Variants in SCML4 observed in about 807,000 individuals in gnomAD.
The protein encoded by SCML4 is sex comb on midleg-like protein 4.
A neutral mutation model predicts 41.1 loss-of-function variants in SCML4; 34 were observed. The observed-to-expected ratio is 0.83, with a 90% CI of 0.63 to 1.10. The LOEUF (loss-of-function observed/expected upper bound fraction) is 1.10. SCML4 is among the 50% of genes least tolerant of loss of function. The pLI is 0.00. For missense variants in SCML4, 522 were observed against 534.1 expected (o/e 0.98, Z 0.22); for synonymous variants, 214 against 220.9 (o/e 0.97, Z 0.28).
chr6:107,707,255 T>C (rs1233590744), intron 7 of SCML4, among the ~76,000 whole-genome samples: 4 of 152,092 alleles, frequency 2.6e-5, no homozygotes, highest in African/African-American at 4.8e-5. Flanking sequence ...TGAGCCGAGA[T>C]TGAGATCGCA....
intron 1 of SCML4, among the ~76,000 whole-genome samples, chr6:107,801,485 G>C (rs766793506): frequency 5.9e-5 from 9 of 152,038 alleles, no homozygotes; most frequent in Non-Finnish European, 1.2e-4. Context: ...CCTACAATGA[G>C]CTCATTTCTC....
At chr6:107,801,824 G>A (rs975309167) in intron 1 of SCML4, among the ~76,000 whole-genome samples, 16 of 151,478 alleles carry the variant, frequency 1.1e-4, no homozygotes, top group South Asian at 1.0e-3. Flanking sequence ...TGTCACCCAC[G>A]CTGGATCTCG....
At chr6:107,828,902 C>T (rs1030562970), upstream of SCML4, among the ~76,000 whole-genome samples, 12 of 152,198 alleles carry the variant, frequency 7.9e-5, no homozygotes, top group African/African-American at 2.4e-4. Context: ...AAGACAAAAC[C>T]GTTCTGTGTA....
At chr6:107,741,337 G>T (rs9386662) in intron 5 of SCML4, among the ~76,000 whole-genome samples, 36,465 of 152,038 alleles carry the variant, frequency 0.24, 4,891 homozygotes, top group African/African-American at 0.36. Flanking sequence ...GCAGAAAAAT[G>T]TCTCCCAATT....
At chr6:107,793,124 T>G (rs942397499) in intron 1 of SCML4, among the ~76,000 whole-genome samples, 1 of 152,126 alleles carries the variant, frequency 6.6e-6, no homozygotes, top group Non-Finnish European at 1.5e-5. Context: ...CACAATGTGG[T>G]CGGCAGCCCC....
chr6:107,816,226 T>A (rs1358150418), intron 1 of SCML4, among the ~76,000 whole-genome samples: 3 of 152,124 alleles, frequency 2.0e-5, no homozygotes, highest in Admixed American at 6.5e-5. Flanking sequence ...TCAAACACGA[T>A]AAGTAAGATA....
At chr6:107,844,632 G>A in the SCML4 span, among the ~76,000 whole-genome samples, 3 of 151,742 alleles carry the variant, frequency 2.0e-5, no homozygotes, top group African/African-American at 4.8e-5. Context: ...CCAAGAGTTC[G>A]AGGTCACAGT....
At chr6:107,757,469 C>G (rs1206299305) in intron 2 of SCML4, among the ~76,000 whole-genome samples, 1 of 152,154 alleles carries the variant, frequency 6.6e-6, no homozygotes, top group East Asian at 1.9e-4. Context: ...TGTATAGAGG[C>G]TGCTGGCACA....
chr6:107,761,789 T>C (rs1316470654), intron 2 of SCML4, among the ~76,000 whole-genome samples: 1 of 128,930 alleles, frequency 7.8e-6, no homozygotes, highest in Non-Finnish European at 1.6e-5. Flanking sequence ...TCTAGACTTC[T>C]ACACCCAGAA....
chr6:107,707,736 C>G, intron 7 of SCML4, 130 bp downstream of exon 7: 1 of 1,107,062 alleles, frequency 9.0e-7, no homozygotes, highest in Admixed American at 2.0e-5. Context: ...CTTGAGGGTG[C>G]CCCTAGGGCT....
chr6:107,799,400 T>G (rs1403633265), intron 1 of SCML4, among the ~76,000 whole-genome samples: 1 of 152,202 alleles, frequency 6.6e-6, no homozygotes, highest in African/African-American at 2.4e-5. Context: ...ATGATGAATG[T>G]TTGCACAGTA....
At chr6:107,748,237 C>T (rs1778308233) in intron 3 of SCML4, among the ~76,000 whole-genome samples, 1 of 152,108 alleles carries the variant, frequency 6.6e-6, no homozygotes, top group East Asian at 1.9e-4. Flanking sequence ...TTAATGACCC[C>T]TCTTGTGTAT....
intron 1 of SCML4, among the ~76,000 whole-genome samples, chr6:107,803,866 G>C (rs1783500618): frequency 6.6e-6 from 1 of 151,486 alleles, no homozygotes; most frequent in East Asian, 1.9e-4. Context: ...CTGGTTAAGA[G>C]TCATCACCAC....
intron 1 of SCML4, among the ~76,000 whole-genome samples, chr6:107,787,461 AC>A (rs1301178160): frequency 6.6e-6 from 1 of 152,134 alleles, no homozygotes; most frequent in Non-Finnish European, 1.5e-5. Flanking sequence ...AGCTACACAC[AC>A]ACATATATAT....
chr6:107,811,965 G>A (rs1784188696), intron 1 of SCML4, among the ~76,000 whole-genome samples: 1 of 152,214 alleles, frequency 6.6e-6, no homozygotes, highest in Non-Finnish European at 1.5e-5. Context: ...ACACTAAATA[G>A]TGAGAGGGTT....
At chr6:107,807,779 C>A (rs1468548364) in intron 1 of SCML4, among the ~76,000 whole-genome samples, 1 of 152,212 alleles carries the variant, frequency 6.6e-6, no homozygotes, top group African/African-American at 2.4e-5. Flanking sequence ...CACAGCAACT[C>A]CCAGCCGAAG....
chr6:107,746,914 C>T (rs756539548), intron 3 of SCML4, 25 bp from the exon 4 acceptor site: 2 of 1,593,992 alleles, frequency 1.3e-6, no homozygotes, highest in Non-Finnish European at 1.7e-6. Flanking sequence ...GTCACAAAGC[C>T]CTCGGCATCA....
At chr6:107,737,260 T>C (rs1034365146) in intron 5 of SCML4, among the ~76,000 whole-genome samples, 11 of 152,226 alleles carry the variant, frequency 7.2e-5, no homozygotes, top group Non-Finnish European at 1.3e-4. Context: ...AACAGAGGGA[T>C]ACCTTCTTCG....
Position 107,744,960 on chromosome 6 carries a change from C to G in SCML4, c.671G>C (p.Arg224Thr). The change falls in exon 5 of 8, where the codon AGG becomes ACG. Residue 224 changes from arginine (R) to threonine (T), a missense_variant. Arg to Thr is a moderately conservative substitution (Grantham distance 71). Transcript: ENST00000369020. ...AGGACAAGGCCTACCTGATTCCATCCTCCCTTCCTCTTTCTCCTGGACTTT... is the reference window on the plus strand; with the variant it reads ...AGGACAAGGCCTACCTGATTCCATCGTCCCTTCCTCTTTCTCCTGGACTTT... ...SEKVQEKEEG[R>T]MESVKTVTTE... 2 of 1,609,440 alleles carry G rather than the reference C, an allele frequency of 1.2e-6. No individual in the cohort carries two copies. The highest frequency in any genetic ancestry group is 1.7e-6 in the Non-Finnish European group (2 of 1,177,786).
Sources: allele counts gnomAD v4.1 joint callset (sites outside exome capture counted in the v4.1 genomes callset), GRCh38; gene constraint gnomAD v4.1.1; transcripts MANE v1.5; gene names NCBI Gene and HGNC (gene_info 2026-07-23, HGNC 2026-07-21).